ARFGEF2: variants seen among roughly 807,000 people sequenced by gnomAD.
ARFGEF2 encodes ARF guanine nucleotide exchange factor 2.
ARFGEF2 carries 74 observed loss-of-function variants against 219.9 expected under a neutral mutation model. That is an observed-to-expected ratio of 0.34 (90% confidence interval 0.28 to 0.41). The LOEUF (loss-of-function observed/expected upper bound fraction) is 0.41, where lower values mean the gene tolerates loss of function less well. Ranked by LOEUF, ARFGEF2 falls within the 10% of genes least tolerant of loss-of-function variation. The probability of loss-of-function intolerance (pLI) is 1.00; values close to 1 mark genes in which losing one functional copy is unlikely to be tolerated. For missense variants in ARFGEF2, 1,743 were observed against 2,218.3 expected (o/e 0.79, Z 4.30); for synonymous variants, 733 against 799.2 (o/e 0.92, Z 1.40).
Position 49,018,966 on chromosome 20 carries a change from C to T in ARFGEF2, c.4592C>T (p.Thr1531Ile), listed in dbSNP as rs1372095064. The change falls in exon 34 of 39, where the codon ACA becomes ATA. Residue 1531 changes from threonine (T) to isoleucine (I), a missense_variant. Thr to Ile is a moderately conservative substitution (Grantham distance 89, BLOSUM62 -1). Transcript: ENST00000371917. The part of the protein sequence containing the change: ...ERGQSQLSNP[T>I]DDSWKGRPYA... ...GGACAGAGCCAGCTCTCTAACCCAA[C>T]AGATGACAGCTGGAAGGGTAGACCA... 6.2e-7 allele frequency: 1 copy of T among 1,614,012 alleles called. No individual in the cohort carries two copies. The highest frequency in any genetic ancestry group is 8.5e-7 in the Non-Finnish European group (1 of 1,179,906).
intron 1 of ARFGEF2, 35 bp downstream of exon 1, chr20:48,922,045 C>CCT (rs751029021): frequency 3.8e-6 from 6 of 1,561,888 alleles, no homozygotes; most frequent in African/African-American, 1.4e-5. Flanking sequence ...CCCGCGCTGG[C>CCT]CTCAGCACGT....
intron 17 of ARFGEF2, 24 bp downstream of exon 17, chr20:48,988,412 T>C: frequency 2.5e-6 from 4 of 1,611,852 alleles, no homozygotes; most frequent in Non-Finnish European, 3.4e-6. Context: ...ATGATTTACA[T>C]GTTGTATTAG....
At chr20:48,970,592 A>C (rs948856086) in intron 9 of ARFGEF2, among the ~76,000 whole-genome samples, 2 of 152,202 alleles carry the variant, frequency 1.3e-5, no homozygotes, top group Non-Finnish European at 2.9e-5. Context: ...GCCTGGACAA[A>C]AAGAGCAAAA....
chr20:48,958,500 A>C (rs936385718), intron 6 of ARFGEF2, among the ~76,000 whole-genome samples: 15 of 151,338 alleles, frequency 9.9e-5, no homozygotes, highest in African/African-American at 3.6e-4. Context: ...GCAGTGGCAC[A>C]ATCTCGGCTC....
At chr20:48,995,632 T>A in intron 22 of ARFGEF2, 151 bp from the exon 23 acceptor site, 1 of 732,738 alleles carries the variant, frequency 1.4e-6, no homozygotes, top group South Asian at 1.5e-5. Context: ...AAACTTTAAT[T>A]TTATCATCAG....
intron 5 of ARFGEF2, among the ~76,000 whole-genome samples, chr20:48,953,264 C>A (rs2091082951): frequency 6.6e-6 from 1 of 151,166 alleles, no homozygotes; most frequent in African/African-American, 2.4e-5. Context: ...CAGGCTTGAC[C>A]TTCCCAGCTC....
chr20:49,032,036 C>CT lies in ARFGEF2; in HGVS notation c.5064-12dup, dbSNP rs1487530790. 1.3e-6 allele frequency: 2 copies of CT among 1,585,976 alleles called. No homozygotes were observed. Among genetic ancestry groups the CT allele is most frequent in the Non-Finnish European group, 1.7e-6 (2 of 1,154,750 alleles). ...AATTGTTTGATATGCCTCCCCCTCT[C>CT]TAATTCTTCTAGTGTTTGCAGTGAA... On this transcript the variant is annotated splice_polypyrimidine_tract_variant and intron_variant, in intron 37 of 38. Transcript: ENST00000371917.
intron 1 of ARFGEF2, among the ~76,000 whole-genome samples, chr20:48,935,945 G>C (rs1400743414): frequency 1.7e-4 from 24 of 139,184 alleles, no homozygotes; most frequent in Middle Eastern, 3.9e-3. Flanking sequence ...GCCGGGGGGG[G>C]GGGCTGACCC....
rs767695533 is a variant in ARFGEF2 at position 48,963,874 on chromosome 20, G to C, written c.883G>C (p.Asp295His). 2 of 1,614,008 alleles carry C rather than the reference G, an allele frequency of 1.2e-6. No individual in the cohort carries two copies. Among genetic ancestry groups the C allele is most frequent in the East Asian group, 2.2e-5 (1 of 44,870 alleles). The change falls in exon 7 of 39, where the codon GAT becomes CAT. Residue 295 changes from aspartate (D) to histidine (H), a missense_variant. By Grantham distance (81) the Asp-to-His change is moderately conservative. Transcript: ENST00000371917. ...GGAGGTGGTGAAGGACATCTTGGAA[G>C]ATGTAGTCACATCTGCCATTAAAGG... Reference protein sequence around the residue: ...AQEVVKDILEDVVTSAIKEAA... With the variant: ...AQEVVKDILEHVVTSAIKEAA...
rs778562514 is a variant in ARFGEF2 at position 49,025,335 on chromosome 20, T to G, written c.4778T>G (p.Ile1593Ser). 63 of 1,612,886 alleles carry G rather than the reference T, an allele frequency of 3.9e-5. No individual in the cohort carries two copies. Among genetic ancestry groups the G allele is most frequent in the Admixed American group, 6.7e-5 (4 of 59,756 alleles). Reference protein sequence around the residue: ...AAQQDTLDADIHIETEDQGMY... With the variant: ...AAQQDTLDADSHIETEDQGMY... Reference sequence around the variant, plus strand: ...TAGCAAGACACGCTGGATGCAGATATCCACATAGAGACGGAGGATCAGGGC... The same window carrying G: ...TAGCAAGACACGCTGGATGCAGATAGCCACATAGAGACGGAGGATCAGGGC... Residue 1593 changes from isoleucine (I) to serine (S), a missense_variant, in exon 36 of 39, where the codon ATC (isoleucine) becomes AGC (serine). This residue lies in a region of ARFGEF2 where 578 missense variants were observed against 664.0 expected (regional missense o/e 0.87). Coordinates refer to ENST00000371917, the MANE Select transcript of ARFGEF2 (RefSeq NM_006420.3).
At chr20:49,023,307 A>T in intron 35 of ARFGEF2, 126 bp downstream of exon 35, 2 of 1,288,514 alleles carry the variant, frequency 1.6e-6, no homozygotes. Context: ...TTCCAACCTC[A>T]CATTCAGTGA....
At chr20:48,980,124 T>C (rs2091285969) in intron 14 of ARFGEF2, among the ~76,000 whole-genome samples, 1 of 152,242 alleles carries the variant, frequency 6.6e-6, no homozygotes, top group Non-Finnish European at 1.5e-5. Flanking sequence ...CATTTAGTGC[T>C]ATAAATTTCC....
intron 18 of ARFGEF2, 48 bp from the exon 19 acceptor site, chr20:48,989,237 C>A: frequency 6.2e-7 from 1 of 1,606,704 alleles, no homozygotes; most frequent in Non-Finnish European, 8.5e-7. Context: ...GGCATGTAGC[C>A]AGCCCTCAGT....
intron 34 of ARFGEF2, among the ~76,000 whole-genome samples, chr20:49,020,823 A>AAT (rs2091560916): frequency 6.6e-6 from 1 of 152,116 alleles, no homozygotes. Context: ...CAATAGGAGA[A>AAT]GCACTCTCCG....
intron 3 of ARFGEF2, among the ~76,000 whole-genome samples, chr20:48,946,010 C>T (rs974303616): frequency 6.6e-6 from 1 of 152,180 alleles, no homozygotes; most frequent in Non-Finnish European, 1.5e-5. Flanking sequence ...TGGCTCGGTG[C>T]TCCCTGGGCT....
rs1335585420 is a variant in ARFGEF2 at position 48,939,046 on chromosome 20, C to T, written c.122-2153C>T. Among the ~76,000 whole-genome samples the T allele has an allele frequency of 3.3e-5, 5 of 150,396 alleles. No homozygotes were observed. In the East Asian group the frequency reaches 7.9e-4, roughly 24 times the overall value. On this transcript the variant is annotated intron_variant, in intron 1 of 38. Coordinates refer to ENST00000371917, the MANE Select transcript of ARFGEF2 (RefSeq NM_006420.3). ...CTGAAGTGCAGTGGCACCATCTCGG[C>T]TCACTGCAATTACTGCTTCCCGGGT...
chr20:48,989,759 A>T (rs2091346925), intron 20 of ARFGEF2, 75 bp downstream of exon 20: 1 of 1,602,080 alleles, frequency 6.2e-7, no homozygotes, highest in African/African-American at 1.3e-5. Context: ...CTTAGAAATT[A>T]TCAGAAATTT....
chr20:48,989,454 T>C lies in ARFGEF2; in HGVS notation c.2685+18T>C, dbSNP rs780126329. 6.2e-7 allele frequency: 1 copy of C among 1,614,244 alleles called. No homozygotes were observed. The highest frequency in any genetic ancestry group is 1.1e-5 in the South Asian group (1 of 91,092). ...TGTTCAAAGTGAGTATCCTGAGAAC[T>C]TAGCAAGCATGTGGCTAAGCCTGAT... On this transcript the variant is annotated intron_variant, in intron 19 of 38. Transcript: ENST00000371917.
rs2091071483 is a variant in ARFGEF2, at chr20:48,951,617, G to C, written c.423+148G>C. ...TAAGCGTCACTTAGATCTTTTGTTA[G>C]GTGTCAGAATTTATTAGCGTGGACT... On this transcript the variant is annotated intron_variant, in intron 4 of 38. Coordinates refer to ENST00000371917, the MANE Select transcript of ARFGEF2 (RefSeq NM_006420.3). 2.6e-6 allele frequency: 3 copies of C among 1,153,636 alleles called. No homozygotes were observed. In the South Asian group the frequency reaches 4.0e-5, roughly 15 times the overall value. The allele number at this position is 1,153,636 out of a possible 1,614,324, so 71.5% of individuals were successfully genotyped here.
Sources: gnomAD v4.1 joint callset for allele counts (sites outside exome capture counted in the v4.1 genomes callset) on GRCh38, gnomAD v4.1.1 for gene constraint, gnomAD v4.1.1 regional missense constraint, MANE v1.5 for transcripts, NCBI Gene and HGNC (gene_info 2026-07-23, HGNC 2026-07-21) for gene names.